B3GAT2: variants seen among roughly 807,000 people sequenced by gnomAD.
B3GAT2 encodes the protein beta-1,3-glucuronyltransferase 2.
Under a neutral mutation model 27.8 loss-of-function variants are expected in B3GAT2, and 26 were observed. That is an observed-to-expected ratio of 0.93 (90% CI 0.68 to 1.30). The LOEUF is 1.30. Among genes scored for constraint, B3GAT2 ranks in the 50% most tolerant of loss-of-function variants. The pLI is 0.00. For synonymous variants in B3GAT2, 218 were observed against 195.1 expected (o/e 1.12, Z -0.98); for missense variants, 458 against 459.0 (o/e 1.00, Z 0.02).
At chr6:70,934,279 C>T (rs1773105222) in intron 1 of B3GAT2, among the ~76,000 whole-genome samples, 1 of 152,188 alleles carries the variant, frequency 6.6e-6, no homozygotes, top group Admixed American at 6.5e-5. Context: ...GGCATCCCTA[C>T]ATACGGCATA....
At position 70,857,298 on chromosome 6, in the gene B3GAT2, T is replaced by C. The variant is rs975128284; in HGVS notation, c.*4365A>G. The C allele has an allele frequency of 1.1e-5, 3 of 273,066 alleles. No homozygotes were observed. In the East Asian group the frequency reaches 1.9e-4, roughly 17 times the overall value. 16.9% of individuals were successfully genotyped at this position (273,066 alleles called of 1,614,324 possible). On this transcript the variant is annotated 3_prime_UTR_variant, in exon 4 of 4. Coordinates refer to ENST00000230053, the MANE Select transcript of B3GAT2 (RefSeq NM_080742.3). The stretch of plus-strand genomic sequence containing the variant: ...TCACAAGCTTATAGAACATGGATTA[T>C]CTTTGATGAATTATTGAAACGATTT...
Position 70,859,321 on chromosome 6 carries a change from A to C in B3GAT2, c.*2342T>G, listed in dbSNP as rs1771590268. 1 of 1,544,470 alleles carries C rather than the reference A, an allele frequency of 6.5e-7. No individual in the cohort carries two copies. Among genetic ancestry groups the C allele is most frequent in the Admixed American group, 2.0e-5 (1 of 49,830 alleles). The stretch of plus-strand genomic sequence containing the variant: ...CAGGAAGGAGTTAATACTGGCTCTT[A>C]CTTCCAGATAATGCAGAAGGGTGAT... On this transcript the variant is annotated 3_prime_UTR_variant, in exon 4 of 4. Coordinates refer to ENST00000230053, the MANE Select transcript of B3GAT2 (RefSeq NM_080742.3).
chr6:70,904,661 T>C (rs542809672), intron 1 of B3GAT2, among the ~76,000 whole-genome samples: 1 of 152,342 alleles, frequency 6.6e-6, no homozygotes, highest in Admixed American at 6.5e-5. Flanking sequence ...GAAGGGTTCC[T>C]GGCCAATCTG....
intron 1 of B3GAT2, among the ~76,000 whole-genome samples, chr6:70,951,880 C>A (rs185764652): frequency 6.6e-6 from 1 of 151,972 alleles, no homozygotes; most frequent in Non-Finnish European, 1.5e-5. Context: ...TAATGTTCCA[C>A]CCAAGAAAAT....
At chr6:70,936,299 T>C (rs1431208599) in intron 1 of B3GAT2, among the ~76,000 whole-genome samples, 1 of 151,920 alleles carries the variant, frequency 6.6e-6, no homozygotes, top group African/African-American at 2.4e-5. Flanking sequence ...CAAACAATAA[T>C]AATGGGAGAC....
At chr6:70,925,847 C>T (rs1216056705) in intron 1 of B3GAT2, among the ~76,000 whole-genome samples, 1 of 152,272 alleles carries the variant, frequency 6.6e-6, no homozygotes, top group Non-Finnish European at 1.5e-5. Flanking sequence ...ACTGCCTCCT[C>T]AAGTGGGTCC....
intron 1 of B3GAT2, among the ~76,000 whole-genome samples, chr6:70,940,096 G>T (rs553451579): frequency 3.9e-5 from 6 of 152,006 alleles, no homozygotes; most frequent in Admixed American, 2.0e-4. Context: ...AAGGAAAGCA[G>T]CCACTGCATT....
In B3GAT2 at chr6:70,918,228, C is replaced by CT. The variant is rs774035267; in HGVS notation, c.592-23957dup. Among the ~76,000 whole-genome samples, 61 of 151,820 alleles carry CT rather than the reference C, an allele frequency of 4.0e-4. No homozygotes were observed. In the East Asian group the frequency reaches 6.4e-3, roughly 16 times the overall value. On this transcript the variant is annotated intron_variant, in intron 1 of 3. Coordinates refer to ENST00000230053, the MANE Select transcript of B3GAT2 (RefSeq NM_080742.3). ...TCATCAGAGACCAGGATGGCAAACC[C>CT]TTTTTTTTGCTTTCCATTTGCTTGG...
chr6:70,934,930 GATTA>G (rs1483562935), intron 1 of B3GAT2, among the ~76,000 whole-genome samples: 2 of 152,082 alleles, frequency 1.3e-5, no homozygotes, highest in African/African-American at 4.8e-5. Flanking sequence ...TTGTTGTTTT[GATTA>G]ATTGTTTACC....
intron 1 of B3GAT2, among the ~76,000 whole-genome samples, chr6:70,926,432 C>T (rs780004356): frequency 3.3e-5 from 5 of 151,938 alleles, no homozygotes; most frequent in African/African-American, 4.8e-5. Context: ...CCTGGAAAAA[C>T]GATTAGACAA....
chr6:70,956,326 G>GTGAGCGGGGGCACTGGCC lies in B3GAT2; in HGVS notation c.86_103dup (p.Arg29_Leu34dup), dbSNP rs1562240981. On this transcript the variant is annotated inframe_insertion, in exon 1 of 4. Coordinates refer to ENST00000230053, the MANE Select transcript of B3GAT2 (RefSeq NM_080742.3). ...GTAGGGAGAGAAGTAGGGGCGCGGGGTGAGCGGGGGCACTGGCCTGCGCGT... is the reference window on the plus strand; with the variant it reads ...GTAGGGAGAGAAGTAGGGGCGCGGGGTGAGCGGGGGCACTGGCCTGAGCGGGGGCACTGGCCTGCGCGT... 1.3e-6 allele frequency: 2 copies of GTGAGCGGGGGCACTGGCC among 1,582,716 alleles called. No homozygotes were observed. Among genetic ancestry groups the GTGAGCGGGGGCACTGGCC allele is most frequent in the Admixed American group, 1.8e-5 (1 of 54,246 alleles).
intron 1 of B3GAT2, among the ~76,000 whole-genome samples, chr6:70,945,666 G>A (rs140917383): frequency 6.7e-6 from 1 of 148,502 alleles, no homozygotes; most frequent in Non-Finnish European, 1.5e-5. Context: ...TTATCCAGGA[G>A]AATTTCCCCA....
At chr6:70,911,707 T>A (rs1332068014) in intron 1 of B3GAT2, among the ~76,000 whole-genome samples, 1 of 152,208 alleles carries the variant, frequency 6.6e-6, no homozygotes, top group African/African-American at 2.4e-5. Flanking sequence ...TTGAAAGGAA[T>A]AGCATTGAAT....
At chr6:70,880,617 T>A (rs564541105) in intron 2 of B3GAT2, among the ~76,000 whole-genome samples, 2 of 150,890 alleles carry the variant, frequency 1.3e-5, no homozygotes, top group East Asian at 3.9e-4. Flanking sequence ...GCCTCCCAAG[T>A]AGCTAGGACT....
At chr6:70,884,099 AAAAAAAAAAAAAAAC>A (rs1214262795) in intron 2 of B3GAT2, among the ~76,000 whole-genome samples, 10 of 149,042 alleles carry the variant, frequency 6.7e-5, no homozygotes, top group Admixed American at 4.6e-4. Context: ...AAGACTCAAA[AAAAAAAAAAAAAAAC>A]AAAAAAAACC....
At chr6:70,943,475 C>T (rs1213420541) in intron 1 of B3GAT2, among the ~76,000 whole-genome samples, 1 of 152,194 alleles carries the variant, frequency 6.6e-6, no homozygotes, top group Non-Finnish European at 1.5e-5. Flanking sequence ...GAGCCTGCTT[C>T]ACATAATTCT....
chr6:70,893,944 A>G (rs779588131), intron 2 of B3GAT2, among the ~76,000 whole-genome samples, 184 bp downstream of exon 2: 6 of 152,126 alleles, frequency 3.9e-5, no homozygotes, highest in Non-Finnish European at 8.8e-5. Context: ...CTCCAAATCA[A>G]TTTCCACTTG....
intron 2 of B3GAT2, among the ~76,000 whole-genome samples, chr6:70,881,819 TCTTA>T (rs753331918): frequency 2.0e-5 from 3 of 152,154 alleles, no homozygotes; most frequent in East Asian, 1.9e-4. Flanking sequence ...GACACCATCC[TCTTA>T]CTTCTCATAT....
rs1463160175 is a variant in B3GAT2 at position 70,948,142 on chromosome 6, C to T, written c.591+7697G>A. On this transcript the variant is annotated intron_variant, in intron 1 of 3. Coordinates refer to ENST00000230053, the MANE Select transcript of B3GAT2 (RefSeq NM_080742.3). ...CAATATCATACTGAATGGGCAAAAACTGGAGGCATTCCCTTTGAAAACGGG... is the reference window on the plus strand; with the variant it reads ...CAATATCATACTGAATGGGCAAAAATTGGAGGCATTCCCTTTGAAAACGGG... 5.4e-5 allele frequency among the ~76,000 whole-genome samples: 8 copies of T among 148,766 alleles called. No individual in the cohort carries two copies. The South Asian group carries it at 1.7e-3, about 32-fold the overall frequency.
Sources: allele counts gnomAD v4.1 joint callset (sites outside exome capture counted in the v4.1 genomes callset), GRCh38; gene constraint gnomAD v4.1.1; transcripts MANE v1.5; gene names NCBI Gene and HGNC (gene_info 2026-07-23, HGNC 2026-07-21).